The following RBKS variants were observed in gnomAD, a reference collection of about 807,000 sequenced individuals.
RBKS encodes the protein ribokinase.
Under a neutral mutation model 33.9 loss-of-function variants are expected in RBKS, and 33 were observed. The ratio of observed to expected loss-of-function variants is 0.97; its 90% CI spans 0.74 to 1.30. The LOEUF is 1.30. Ranked by LOEUF, RBKS falls within the 50% of genes most tolerant of loss-of-function variation. The pLI is 0.00. For synonymous variants in RBKS, 125 were observed against 143.0 expected (o/e 0.87, Z 0.90); for missense variants, 361 against 392.6 (o/e 0.92, Z 0.68).
chr2:27,869,079 C>G (rs1342260081), intron 1 of RBKS, among the ~76,000 whole-genome samples: 1 of 152,028 alleles, frequency 6.6e-6, no homozygotes, highest in Non-Finnish European at 1.5e-5. Context: ...CCATGTTCAC[C>G]CAGTAGAAGA....
At chr2:27,793,487 G>A (rs1050320151) in intron 7 of RBKS, among the ~76,000 whole-genome samples, 6 of 152,178 alleles carry the variant, frequency 3.9e-5, no homozygotes, top group Admixed American at 3.9e-4. Context: ...CCTGGAGAAG[G>A]ACACAAGGTC....
chr2:27,866,508 TCTCC>T (rs1664101235), intron 1 of RBKS, among the ~76,000 whole-genome samples: 1 of 152,194 alleles, frequency 6.6e-6, no homozygotes, highest in Non-Finnish European at 1.5e-5. Context: ...TCTGCTTCTC[TCTCC>T]TTTTATTCTT....
rs757786758 is a variant in RBKS, at chr2:27,847,046, A to G, written c.345T>C (p.Asn115=). Residue 115 remains asparagine (N), a synonymous_variant, in exon 4 of 8, where the codon AAT becomes AAC. Coordinates refer to ENST00000302188, the MANE Select transcript of RBKS (RefSeq NM_022128.3). Reference sequence around the variant, plus strand: ...TCCAATATGCAAAACACTTACCTTCATTATTGACAATTATAGAAGCAGTTC... The same window carrying G: ...TCCAATATGCAAAACACTTACCTTCGTTATTGACAATTATAGAAGCAGTTC... ...ATGTASIIVN[N]EGQNIIVIVA... is the part of the protein sequence containing the mutation. The G allele has an allele frequency of 2.6e-5, 42 of 1,599,962 alleles. No homozygotes were observed. Among genetic ancestry groups the G allele is most frequent in the Non-Finnish European group, 3.5e-5 (41 of 1,167,708 alleles).
chr2:27,836,859 A>C (rs758175980), intron 5 of RBKS, among the ~76,000 whole-genome samples: 6 of 152,244 alleles, frequency 3.9e-5, no homozygotes, highest in Non-Finnish European at 5.9e-5. Flanking sequence ...TTCTCAAAAG[A>C]AGATACACGA....
intron 7 of RBKS, among the ~76,000 whole-genome samples, chr2:27,826,413 CTT>C (rs1269916189): frequency 7.7e-5 from 11 of 142,772 alleles, no homozygotes; most frequent in Admixed American, 2.1e-4. Flanking sequence ...TTTTTCTTTT[CTT>C]TTTTTTTTTT....
chr2:27,808,881 A>G (rs770248521), intron 7 of RBKS, among the ~76,000 whole-genome samples: 8 of 152,244 alleles, frequency 5.3e-5, no homozygotes, highest in Non-Finnish European at 2.9e-5. Flanking sequence ...CCCTCTAGGT[A>G]ATCTTCAGCC....
intron 5 of RBKS, among the ~76,000 whole-genome samples, chr2:27,834,163 C>T (rs1356018094): frequency 6.6e-6 from 1 of 152,168 alleles, no homozygotes; most frequent in Non-Finnish European, 1.5e-5. Context: ...TGCTAATCAG[C>T]ACGTGGCTAA....
At chr2:27,876,639 A>G (rs1173866847) in intron 1 of RBKS, among the ~76,000 whole-genome samples, 1 of 152,160 alleles carries the variant, frequency 6.6e-6, no homozygotes, top group African/African-American at 2.4e-5. Flanking sequence ...AAAGTAGAAT[A>G]GTAGTTGCCA....
At chr2:27,853,430 A>G (rs1663790917) in intron 2 of RBKS, among the ~76,000 whole-genome samples, 1 of 151,574 alleles carries the variant, frequency 6.6e-6, no homozygotes, top group Non-Finnish European at 1.5e-5. Flanking sequence ...AGGCCAAGGC[A>G]GGCAGATTGC....
chr2:27,831,200 A>C (rs1678408199), intron 6 of RBKS, among the ~76,000 whole-genome samples: 1 of 138,126 alleles, frequency 7.2e-6, no homozygotes, highest in African/African-American at 3.2e-5. Flanking sequence ...AAGCCAGTAC[A>C]TTTTGGAGGT....
At chr2:27,807,782 A>C (rs552589083) in intron 7 of RBKS, among the ~76,000 whole-genome samples, 22 of 152,238 alleles carry the variant, frequency 1.4e-4, no homozygotes, top group Non-Finnish European at 2.5e-4. Context: ...AAAATATTTA[A>C]TTTTGGATGC....
At chr2:27,843,260 A>C (rs1473155675) in intron 4 of RBKS, 29 bp from the exon 5 acceptor site, 1 of 1,544,492 alleles carries the variant, frequency 6.5e-7, no homozygotes, top group Non-Finnish European at 8.8e-7. Flanking sequence ...TATTATATTA[A>C]AACTAAACAA....
chr2:27,814,162 A>G (rs905321442), intron 7 of RBKS, among the ~76,000 whole-genome samples: 3 of 152,184 alleles, frequency 2.0e-5, no homozygotes, highest in Non-Finnish European at 4.4e-5. Flanking sequence ...TTGAGGCTAC[A>G]GTGAACTATG....
Position 27,827,868 on chromosome 2 carries a change from A to G in RBKS, c.607-113T>C, listed in dbSNP as rs963281833. On this transcript the variant is annotated intron_variant, in intron 6 of 7. Transcript: ENST00000302188. Reference sequence around the variant, plus strand: ...CTTCTTTTTTATAACAACCAATGCAATGGGAACCTTGATAGATACTGGTAC... The same window carrying G: ...CTTCTTTTTTATAACAACCAATGCAGTGGGAACCTTGATAGATACTGGTAC... 8.2e-6 allele frequency: 7 copies of G among 856,266 alleles called. No homozygotes were observed. In the African/African-American group the frequency reaches 8.7e-5, roughly 11 times the overall value. 53.0% of individuals were successfully genotyped at this position (856,266 alleles called of 1,614,324 possible). A position where few individuals can be genotyped will look rare whatever the true frequency, so the allele number is the denominator to read the frequency against.
intron 1 of RBKS, among the ~76,000 whole-genome samples, chr2:27,862,191 C>G (rs1199140041): frequency 6.6e-6 from 1 of 152,006 alleles, no homozygotes; most frequent in Non-Finnish European, 1.5e-5. Flanking sequence ...CTCAGGCGAT[C>G]CTCCTGCCTC....
chr2:27,843,125 C>G lies in RBKS; in HGVS notation c.456G>C (p.Gln152His). ...AAGAAGTTGCTGGAGTTATTTCGAG[C>G]TGGCAGACCATGACTTTGGCTCTGC... ...VISRAKVMVC[Q>H]LEITPATSLE... Residue 152 changes from glutamine to histidine, a missense_variant, in exon 5 of 8, where the codon CAG becomes CAC. Transcript: ENST00000302188. 1 of 1,611,056 alleles carries G rather than the reference C, an allele frequency of 6.2e-7. No individual in the cohort carries two copies. The highest frequency in any genetic ancestry group is 8.5e-7 in the Non-Finnish European group (1 of 1,178,462).
chr2:27,851,703 T>G (rs2148216015), intron 2 of RBKS, among the ~76,000 whole-genome samples: 1 of 152,220 alleles, frequency 6.6e-6, no homozygotes, highest in East Asian at 1.9e-4. Flanking sequence ...CACACCTGGC[T>G]AATTTTTGTA....
chr2:27,800,841 G>A (rs1281511301), intron 7 of RBKS, among the ~76,000 whole-genome samples: 1 of 152,164 alleles, frequency 6.6e-6, no homozygotes, highest in Non-Finnish European at 1.5e-5. Flanking sequence ...GGGATGCCAG[G>A]CTCCAGAGAG....
intron 7 of RBKS, among the ~76,000 whole-genome samples, chr2:27,798,044 G>A (rs1029576166): frequency 4.6e-5 from 7 of 151,988 alleles, no homozygotes; most frequent in Admixed American, 3.9e-4. Context: ...CAGAATAGAG[G>A]GCATCTAGGA....
Sources: gnomAD v4.1 joint callset for allele counts (sites outside exome capture counted in the v4.1 genomes callset) on GRCh38, gnomAD v4.1.1 for gene constraint, MANE v1.5 for transcripts, NCBI Gene and HGNC (gene_info 2026-07-23, HGNC 2026-07-21) for gene names.